MPHOSPH9: variants seen among roughly 807,000 people sequenced by gnomAD.
MPHOSPH9 encodes the protein M-phase phosphoprotein 9.
In MPHOSPH9, 88 loss-of-function variants were observed where a neutral mutation model predicts 145.5. The observed-to-expected ratio is 0.60, with a 90% CI of 0.51 to 0.72. MPHOSPH9 has a LOEUF of 0.72. Ranked by LOEUF, MPHOSPH9 falls within the 30% of genes least tolerant of loss-of-function variation. The pLI is 0.00. For missense variants in MPHOSPH9, 1,238 were observed against 1,386.6 expected (o/e 0.89, Z 1.70); for synonymous variants, 435 against 486.2 (o/e 0.89, Z 1.39).
chr12:123,208,324 G>A (rs1475677635), intron 8 of MPHOSPH9, among the ~76,000 whole-genome samples: 1 of 151,862 alleles, frequency 6.6e-6, no homozygotes, highest in Non-Finnish European at 1.5e-5. Flanking sequence ...AAATCACGAG[G>A]TCAAGAGATC....
At chr12:123,164,181 T>C in intron 18 of MPHOSPH9, 91 bp from the exon 19 acceptor site, 1 of 1,451,690 alleles carries the variant, frequency 6.9e-7, no homozygotes, top group South Asian at 1.2e-5. Flanking sequence ...TGGTTACACA[T>C]GGTTACACAC....
intron 23 of MPHOSPH9, among the ~76,000 whole-genome samples, chr12:123,158,934 A>G (rs2043983494): frequency 6.6e-6 from 1 of 151,910 alleles, no homozygotes; most frequent in Non-Finnish European, 1.5e-5. Context: ...CTCGGCCTCA[A>G]AATATCTTTG....
intron 1 of MPHOSPH9, among the ~76,000 whole-genome samples, chr12:123,231,364 A>G (rs945375389): frequency 1.3e-5 from 2 of 152,224 alleles, no homozygotes; most frequent in Non-Finnish European, 2.9e-5. Context: ...CCAAGTATAT[A>G]TGTTTGTTGA....
intron 13 of MPHOSPH9, among the ~76,000 whole-genome samples, chr12:123,186,371 T>A (rs902125928): frequency 1.3e-5 from 2 of 151,926 alleles, no homozygotes; most frequent in African/African-American, 4.8e-5. Flanking sequence ...AAAGTTTATA[T>A]CTCTATGAAG....
intron 11 of MPHOSPH9, among the ~76,000 whole-genome samples, chr12:123,199,236 C>G (rs1249361002): frequency 6.6e-6 from 1 of 152,096 alleles, no homozygotes; most frequent in Non-Finnish European, 1.5e-5. Context: ...ATCCAATTTA[C>G]TTTTCATATT....
downstream of MPHOSPH9, chr12:123,153,430 G>T (rs568606322): frequency 6.6e-6 from 1 of 152,232 alleles, no homozygotes; most frequent in Non-Finnish European, 1.5e-5. Context: ...CAGTTTTTAG[G>T]TCAACTGCTT....
At chr12:123,197,174 C>T (rs930505829) in intron 12 of MPHOSPH9, among the ~76,000 whole-genome samples, 1 of 148,862 alleles carries the variant, frequency 6.7e-6, no homozygotes, top group Non-Finnish European at 1.5e-5. Flanking sequence ...AATTATATTG[C>T]AAAAAATTAA....
rs776417973 is a variant in MPHOSPH9, at chr12:123,221,354, G to A, written c.872+18C>T. ...TAAATGTAATAAACTCCCTTCAAAT[G>A]ATAGAAATTCTACTTACCTATTTGT... On this transcript the variant is annotated intron_variant, in intron 5 of 23. Transcript: ENST00000606320. 2 of 1,529,678 alleles carry A rather than the reference G, an allele frequency of 1.3e-6. No individual in the cohort carries two copies. Among genetic ancestry groups the A allele is most frequent in the Non-Finnish European group, 8.8e-7 (1 of 1,134,296 alleles). 94.8% of individuals were successfully genotyped at this position (1,529,678 alleles called of 1,614,324 possible).
chr12:123,172,871 C>CTTTTTTTTTTTT lies in MPHOSPH9; in HGVS notation c.2456+3805_2456+3816dup, dbSNP rs1161727056. ...TGTTAGACTTTCAGGTTTTCATTCA[C>CTTTTTTTTTTTT]TTTTTTTTTTTTTTTTTTTTTTTTT... is the stretch of plus-strand genomic sequence containing the variant. On this transcript the variant is annotated intron_variant, in intron 16 of 23. Transcript: ENST00000606320. Among the ~76,000 whole-genome samples the CTTTTTTTTTTTT allele has an allele frequency of 6.9e-5, 4 of 57,964 alleles. 1 individual carries two copies. Among genetic ancestry groups the CTTTTTTTTTTTT allele is most frequent in the African/African-American group, 1.1e-4 (2 of 17,888 alleles). The allele number at this position is 57,964 out of a possible 152,430, so 38.0% of individuals were successfully genotyped here.
Position 123,163,941 on chromosome 12 carries a change from A to G in MPHOSPH9, c.2908+9T>C. On this transcript the variant is annotated intron_variant, in intron 19 of 23. Coordinates refer to ENST00000606320, the MANE Select transcript of MPHOSPH9 (RefSeq NM_022782.4). ...TTGAACCCAAGAGATGTACACATCT[A>G]ACTCTTACTTGGAGTACTTGATTTA... is the stretch of plus-strand genomic sequence containing the variant. The G allele has an allele frequency of 1.2e-6, 2 of 1,614,076 alleles. No individual in the cohort carries two copies. Among genetic ancestry groups the G allele is most frequent in the Non-Finnish European group, 1.7e-6 (2 of 1,179,958 alleles).
intron 13 of MPHOSPH9, among the ~76,000 whole-genome samples, chr12:123,193,757 T>C (rs2045811731): frequency 6.6e-6 from 1 of 151,898 alleles, no homozygotes; most frequent in Non-Finnish European, 1.5e-5. Flanking sequence ...AATCTGTTCA[T>C]AGCATTTTAT....
intron 7 of MPHOSPH9, among the ~76,000 whole-genome samples, chr12:123,210,537 C>A (rs1261549681): frequency 6.6e-6 from 1 of 151,640 alleles, no homozygotes; most frequent in Non-Finnish European, 1.5e-5. Context: ...TACTAAAAAT[C>A]CAAAAATCAG....
At chr12:123,207,549 C>T (rs2046488791) in intron 8 of MPHOSPH9, among the ~76,000 whole-genome samples, 1 of 152,112 alleles carries the variant, frequency 6.6e-6, no homozygotes, top group Non-Finnish European at 1.5e-5. Context: ...TCTTTCATTA[C>T]CTGATCAAAA....
intron 20 of MPHOSPH9, 67 bp downstream of exon 20, chr12:123,162,947 A>G (rs1209666238): frequency 3.5e-6 from 5 of 1,422,250 alleles, no homozygotes; most frequent in African/African-American, 1.5e-5. Flanking sequence ...AGCTAGAGAC[A>G]TAAGTCAACA....
In MPHOSPH9 at chr12:123,202,164, C is replaced by T; in HGVS notation, c.1937G>A (p.Arg646Lys). The change falls in exon 11 of 24, where the codon AGA becomes AAA. Residue 646 changes from arginine to lysine, a missense_variant and splice_region_variant. By Grantham distance (26) the Arg-to-Lys change is conservative. Around this residue, in one of 3 missense-constraint regions of MPHOSPH9, gnomAD observed 837 missense variants for 897.5 expected, o/e 0.93. Transcript: ENST00000606320. ...WKITNQILVDRCGQLDSALHE... is the reference protein window; with the variant it reads ...WKITNQILVDKCGQLDSALHE... Reference sequence around the variant, plus strand: ...TTCACAGCTAAATTATAAATTTTACCTGTCTACAAGAATTTGATTGGTTAT... The same window carrying T: ...TTCACAGCTAAATTATAAATTTTACTTGTCTACAAGAATTTGATTGGTTAT... The T allele has an allele frequency of 6.3e-7, 1 of 1,596,592 alleles. No individual in the cohort carries two copies. Among genetic ancestry groups the T allele is most frequent in the Non-Finnish European group, 8.5e-7 (1 of 1,174,600 alleles).
At chr12:123,170,038 C>T (rs2044505661) in intron 16 of MPHOSPH9, among the ~76,000 whole-genome samples, 2 of 150,526 alleles carry the variant, frequency 1.3e-5, no homozygotes, top group Admixed American at 6.6e-5. Context: ...AGTGCAGTGG[C>T]ATGATCATGG....
At chr12:123,231,317 T>A (rs2047625094) in intron 1 of MPHOSPH9, among the ~76,000 whole-genome samples, 1 of 152,222 alleles carries the variant, frequency 6.6e-6, no homozygotes, top group South Asian at 2.1e-4. Context: ...ACAATTGGAA[T>A]ACTTGCATGC....
intron 6 of MPHOSPH9, among the ~76,000 whole-genome samples, chr12:123,216,205 C>T (rs1404274950): frequency 6.6e-6 from 1 of 152,134 alleles, no homozygotes; most frequent in Non-Finnish European, 1.5e-5. Context: ...TTTCCTAGAC[C>T]ACAGACGCTT....
Position 123,218,564 on chromosome 12 carries a change from C to T in MPHOSPH9, c.873-65G>A, listed in dbSNP as rs998007368. ...GTTTTGAGACAGAGTCTTGCTGTGT[C>T]GCCCAGGCTGGAGTACGGTGGCGCA... On this transcript the variant is annotated intron_variant, in intron 5 of 23. Coordinates refer to ENST00000606320, the MANE Select transcript of MPHOSPH9 (RefSeq NM_022782.4). 76 of 1,512,612 alleles carry T rather than the reference C, an allele frequency of 5.0e-5. 1 individual carries two copies. Among genetic ancestry groups the T allele is most frequent in the Middle Eastern group, 3.9e-4 (2 of 5,162 alleles). The allele number at this position is 1,512,612 out of a possible 1,614,324, so 93.7% of individuals were successfully genotyped here.
Sources: allele counts gnomAD v4.1 joint callset (sites outside exome capture counted in the v4.1 genomes callset), GRCh38; gene constraint gnomAD v4.1.1; regional missense constraint gnomAD v4.1.1; transcripts MANE v1.5; gene names NCBI Gene and HGNC (gene_info 2026-07-23, HGNC 2026-07-21).